The following GRIN2A variants were observed in gnomAD, a reference collection of about 807,000 sequenced individuals.
The protein encoded by GRIN2A is glutamate ionotropic receptor NMDA type subunit 2A, also known as glutamate receptor ionotropic, NMDA 2A.
GRIN2A carries 22 observed loss-of-function variants against 113.4 expected under a neutral mutation model. That is an observed-to-expected ratio of 0.19 (90% CI 0.14 to 0.28). GRIN2A has a LOEUF of 0.28. Ranked by LOEUF, GRIN2A falls within the 10% of genes least tolerant of loss-of-function variation. GRIN2A has a pLI of 1.00. For missense variants in GRIN2A, 1,502 were observed against 1,887.0 expected (o/e 0.80, Z 3.78); for synonymous variants, 827 against 738.4 (o/e 1.12, Z -1.94).
intron 2 of GRIN2A, chr16:10,111,825 C>G (rs1172462062): frequency 1.9e-5 from 24 of 1,256,770 alleles, no homozygotes; most frequent in South Asian, 1.2e-5. Flanking sequence ...CTGAGATGGG[C>G]ACCATGGGGA....
chr16:10,068,365 G>T (rs746793710), intron 2 of GRIN2A, among the ~76,000 whole-genome samples: 18 of 152,220 alleles, frequency 1.2e-4, no homozygotes, highest in Admixed American at 2.0e-4. Context: ...ACATGGTACT[G>T]GCATCTGCCT....
In GRIN2A at chr16:9,874,140, A is replaced by G. The variant is rs137927278; in HGVS notation, c.1122+16846T>C. Among the ~76,000 whole-genome samples the G allele has an allele frequency of 9.8e-5, 15 of 152,292 alleles. No individual in the cohort carries two copies. In the East Asian group the frequency reaches 2.7e-3, roughly 27 times the overall value. On this transcript the variant is annotated intron_variant, in intron 4 of 12. Coordinates refer to ENST00000330684, the MANE Select transcript of GRIN2A (RefSeq NM_001134407.3). The stretch of plus-strand genomic sequence containing the variant: ...AGATGGCTCAGCCTCTACTCTTCCC[A>G]TCTCAAACAGGCCCACTCAGTCTTT...
intron 2 of GRIN2A, among the ~76,000 whole-genome samples, chr16:9,997,637 T>A (rs1439961960): frequency 6.6e-6 from 1 of 152,184 alleles, no homozygotes; most frequent in Non-Finnish European, 1.5e-5. Flanking sequence ...TATGCATTGA[T>A]GTGCTAATAT....
chr16:9,882,340 G>A (rs2043497071), intron 4 of GRIN2A, among the ~76,000 whole-genome samples: 1 of 152,170 alleles, frequency 6.6e-6, no homozygotes, highest in Non-Finnish European at 1.5e-5. Flanking sequence ...ACAGACTCAA[G>A]AGAGCAATCA....
chr16:10,108,623 A>T (rs549894425), intron 2 of GRIN2A, among the ~76,000 whole-genome samples: 1 of 152,194 alleles, frequency 6.6e-6, no homozygotes, highest in African/African-American at 2.4e-5. Context: ...AGGGTCACAC[A>T]CTTAGTGTAC....
rs150133212 is a variant in GRIN2A, at chr16:9,993,288, G to T, written c.415-54737C>A. On this transcript the variant is annotated intron_variant, in intron 2 of 12. Transcript: ENST00000330684. ...AATAAGGTTGGATATGGGGGTTCAT[G>T]CCTGAAATCACACTGTTTTGGGAGG... 7.4e-3 allele frequency among the ~76,000 whole-genome samples: 1,131 copies of T among 152,116 alleles called. 5 individuals are homozygous for T. The highest frequency in any genetic ancestry group is 0.014 in the Middle Eastern group (4 of 294).
At position 9,869,797 on chromosome 16, in the gene GRIN2A, G is replaced by C. The variant is rs556796895; in HGVS notation, c.1123-19836C>G. ...AGGATTAGGTGTTTTATTATATACA[G>C]GGATCTTAGAAGGATGACATTAACT... is the stretch of plus-strand genomic sequence containing the variant. On this transcript the variant is annotated intron_variant, in intron 4 of 12. Transcript: ENST00000330684. Among the ~76,000 whole-genome samples, 8 of 152,286 alleles carry C rather than the reference G, an allele frequency of 5.3e-5. No individual in the cohort carries two copies. The South Asian group carries it at 1.7e-3, about 32-fold the overall frequency.
At chr16:9,915,128 G>A (rs1180164503) in intron 3 of GRIN2A, among the ~76,000 whole-genome samples, 1 of 150,860 alleles carries the variant, frequency 6.6e-6, no homozygotes, top group Non-Finnish European at 1.5e-5. Flanking sequence ...AGTAGAGATG[G>A]GGTTTCACCA....
At chr16:9,988,265 AG>A (rs1414927317) in intron 2 of GRIN2A, among the ~76,000 whole-genome samples, 1 of 76,600 alleles carries the variant, frequency 1.3e-5, no homozygotes, top group Non-Finnish European at 2.8e-5. Flanking sequence ...AGAGATCCAT[AG>A]GGGTGTGTGT....
chr16:10,116,670 A>AT (rs2048734001), intron 2 of GRIN2A, among the ~76,000 whole-genome samples: 2 of 152,198 alleles, frequency 1.3e-5, no homozygotes, highest in Admixed American at 6.5e-5. Flanking sequence ...AGCCAGCAGC[A>AT]GGGAAATTCA....
chr16:9,773,739 G>C (rs552768798), intron 11 of GRIN2A, among the ~76,000 whole-genome samples: 2 of 152,176 alleles, frequency 1.3e-5, no homozygotes, highest in Admixed American at 1.3e-4. Flanking sequence ...ACTTGCACCT[G>C]TTCTTCCTAT....
At position 10,007,508 on chromosome 16, in the gene GRIN2A, C is replaced by T. The variant is rs142342796; in HGVS notation, c.415-68957G>A. Among the ~76,000 whole-genome samples the T allele has an allele frequency of 8.0e-3, 1,218 of 152,174 alleles. 27 individuals are homozygous for T. The highest frequency in any genetic ancestry group is 0.028 in the African/African-American group (1,165 of 41,500). On this transcript the variant is annotated intron_variant, in intron 2 of 12. Transcript: ENST00000330684. ...TCTTTTTCCCATTGAGTTGTTTGAG[C>T]TCCTTAAATATTCTGGTTATTAATC...
intron 2 of GRIN2A, among the ~76,000 whole-genome samples, chr16:10,174,887 C>T (rs1097928): frequency 0.66 from 99,322 of 150,728 alleles, 33,066 homozygotes; most frequent in African/African-American, 0.73. Flanking sequence ...AGAAATTACA[C>T]ATATATATAT....
intron 10 of GRIN2A, among the ~76,000 whole-genome samples, chr16:9,819,360 G>A (rs938583586): frequency 6.6e-6 from 1 of 151,380 alleles, no homozygotes; most frequent in Admixed American, 6.6e-5. Context: ...ATCTCCACAC[G>A]AAACACAAAC....
In GRIN2A at chr16:10,180,234, CCTG is replaced by C; in HGVS notation, c.175_177del (p.Gln59del). On this transcript the variant is annotated inframe_deletion, in exon 2 of 13. Coordinates refer to ENST00000330684, the MANE Select transcript of GRIN2A (RefSeq NM_001134407.3). This position sits in a 1 kb window ranked among gnomAD's most constrained non-coding sequence, Gnocchi z 7.0. ...TTCACGTCCAGGGGCAGCCCCGCCG[CCTG>C]CTCGGGGCCCCACAGTGTTCGAAGT... 6.2e-7 allele frequency: 1 copy of C among 1,614,076 alleles called. No homozygotes were observed. Among genetic ancestry groups the C allele is most frequent in the Non-Finnish European group, 8.5e-7 (1 of 1,180,016 alleles).
intron 2 of GRIN2A, among the ~76,000 whole-genome samples, chr16:10,099,623 G>A (rs1010883312): frequency 1.3e-5 from 2 of 152,202 alleles, no homozygotes; most frequent in African/African-American, 4.8e-5. Flanking sequence ...GCTCTGTTAA[G>A]GTAGTCTTGC....
chr16:9,813,514 T>G (rs1264556488), intron 10 of GRIN2A, among the ~76,000 whole-genome samples: 1 of 108,776 alleles, frequency 9.2e-6, no homozygotes, highest in Non-Finnish European at 1.9e-5. Flanking sequence ...TAGTCTGTTT[T>G]TTTTGCCTTT....
chr16:9,827,254 A>T (rs952285785), intron 9 of GRIN2A, among the ~76,000 whole-genome samples: 2 of 152,200 alleles, frequency 1.3e-5, no homozygotes, highest in Admixed American at 6.5e-5. Context: ...AGGAAACACA[A>T]CTTTTCTGAC....
intron 2 of GRIN2A, among the ~76,000 whole-genome samples, chr16:10,074,038 G>C (rs1201602516): frequency 1.3e-5 from 2 of 151,846 alleles, no homozygotes; most frequent in African/African-American, 4.8e-5. Context: ...ACAATAGAAA[G>C]GCGACTCCGT....
Sources: allele counts gnomAD v4.1 joint callset (sites outside exome capture counted in the v4.1 genomes callset), GRCh38; gene constraint gnomAD v4.1.1; non-coding constraint Gnocchi (gnomAD v3.1); transcripts MANE v1.5; gene names NCBI Gene and HGNC (gene_info 2026-07-23, HGNC 2026-07-21).